Variants in ZNF536 observed in about 807,000 individuals in gnomAD.
ZNF536 encodes the protein zinc finger protein 536.
A neutral mutation model predicts 84.5 loss-of-function variants in ZNF536; 13 were observed. The ratio of observed to expected loss-of-function variants is 0.15; its 90% CI spans 0.10 to 0.24. ZNF536 has a LOEUF of 0.24. Among genes scored for constraint, ZNF536 ranks in the 10% least tolerant of loss-of-function variants. The pLI is 1.00. For synonymous variants in ZNF536, 811 were observed against 742.5 expected (o/e 1.09, Z -1.50); for missense variants, 1,536 against 1,747.5 (o/e 0.88, Z 2.16).
chr19:30,535,146 C>A, intron 3 of ZNF536, 147 bp downstream of exon 3: 1 of 851,058 alleles, frequency 1.2e-6, no homozygotes, highest in Middle Eastern at 3.6e-4. Context: ...TTGTATGGCT[C>A]AGAAGCGGCC....
rs544070407 is a variant in ZNF536 at position 30,304,038 on chromosome 19, A to G, written c.-120+19897A>G. ...AGGCAGCGGTCTCCTCTCTCCCTGGATGGAGCAGCGTGGGGGAGTCCCGCT... is the reference window on the plus strand; with the variant it reads ...AGGCAGCGGTCTCCTCTCTCCCTGGGTGGAGCAGCGTGGGGGAGTCCCGCT... On this transcript the variant is annotated intron_variant, in intron 2 of 5. Transcript: ENST00000585628. 5.3e-5 allele frequency among the ~76,000 whole-genome samples: 8 copies of G among 152,216 alleles called. No homozygotes were observed. The South Asian group carries it at 1.7e-3, about 32-fold the overall frequency.
At chr19:30,294,404 G>T (rs1299430530) in intron 2 of ZNF536, among the ~76,000 whole-genome samples, 1 of 152,194 alleles carries the variant, frequency 6.6e-6, no homozygotes, top group African/African-American at 2.4e-5. Flanking sequence ...ACAAAATGAT[G>T]CTCTTGAGTG....
chr19:30,335,475 C>T (rs566184958), intron 2 of ZNF536, among the ~76,000 whole-genome samples: 3 of 152,250 alleles, frequency 2.0e-5, no homozygotes, highest in South Asian at 2.1e-4. Context: ...AGGCCTGGCA[C>T]GCCCACCCCT....
intron 1 of ZNF536, among the ~76,000 whole-genome samples, chr19:30,262,100 G>A (rs2025256668): frequency 6.6e-6 from 1 of 152,234 alleles, no homozygotes; most frequent in Non-Finnish European, 1.5e-5. Context: ...TACGGGTTTG[G>A]TTTAGGTGGC....
In ZNF536 at chr19:30,603,021, T is replaced by C. The variant is rs114972279; in HGVS notation, c.169+53507T>C. ...ATTAGTTGCCCATCAGTGGCATCAG[T>C]CTGTGAGGTGTGTCCAGGTGGGTCC... On this transcript the variant is annotated intron_variant, in intron 1 of 1. Coordinates refer to the ZNF536 transcript ENST00000592773. 1.7e-3 allele frequency among the ~76,000 whole-genome samples: 254 copies of C among 152,316 alleles called. 2 individuals carry two copies. Among genetic ancestry groups the C allele is most frequent in the African/African-American group, 5.7e-3 (235 of 41,570 alleles).
rs753514925 is a variant in ZNF536 at position 30,445,110 on chromosome 19, C to T, written c.1548C>T (p.Asp516=). Residue 516 remains aspartate (D), a synonymous_variant, in exon 2 of 5, where the codon GAC becomes GAT. Coordinates refer to ENST00000355537, the MANE Select transcript of ZNF536 (RefSeq NM_014717.3). The surrounding 1 kb of genome is among the most constrained non-coding windows in gnomAD (Gnocchi z 4.5). ...LQAAAKAAEM[D]PVNSYQAWQL... is the part of the protein sequence containing the mutation. Reference sequence around the variant, plus strand: ...CGGCTGCCAAGGCTGCGGAGATGGACCCCGTGAACAGCTACCAGGCTTGGC... The same window carrying T: ...CGGCTGCCAAGGCTGCGGAGATGGATCCCGTGAACAGCTACCAGGCTTGGC... The T allele has an allele frequency of 1.2e-5, 19 of 1,613,780 alleles. No homozygotes were observed. Among genetic ancestry groups the T allele is most frequent in the Non-Finnish European group, 1.6e-5 (19 of 1,180,056 alleles).
chr19:30,269,469 A>C (rs1029785937), intron 1 of ZNF536, among the ~76,000 whole-genome samples: 1 of 152,210 alleles, frequency 6.6e-6, no homozygotes, highest in African/African-American at 2.4e-5. Flanking sequence ...GAGGAATGAA[A>C]AAGAAACTGT....
chr19:30,327,728 C>T (rs939975639), intron 2 of ZNF536, among the ~76,000 whole-genome samples: 1 of 152,194 alleles, frequency 6.6e-6, no homozygotes, highest in Non-Finnish European at 1.5e-5. Context: ...GAAGGAAGCT[C>T]TTTTTCAGTT....
Position 30,521,055 on chromosome 19 carries a change from A to T in ZNF536, c.2171-13792A>T, listed in dbSNP as rs984290189. 3.3e-5 allele frequency among the ~76,000 whole-genome samples: 5 copies of T among 152,234 alleles called. No homozygotes were observed. The South Asian group carries it at 1.0e-3, about 31-fold the overall frequency. The stretch of plus-strand genomic sequence containing the variant: ...ACTCAGACCCTCTGTGACTGGCACC[A>T]TTCTCCAGTGATCCAACTTTACCAA... On this transcript the variant is annotated intron_variant, in intron 2 of 4. Coordinates refer to ENST00000355537, the MANE Select transcript of ZNF536 (RefSeq NM_014717.3).
intron 1 of ZNF536, among the ~76,000 whole-genome samples, chr19:30,415,174 T>C (rs1472253960): frequency 4.4e-5 from 2 of 45,078 alleles, no homozygotes; most frequent in Non-Finnish European, 7.8e-5. Context: ...GCCCCCTGTC[T>C]CCCTCTCCCT....
intron 1 of ZNF536, among the ~76,000 whole-genome samples, chr19:30,693,586 TA>T (rs11419641): frequency 5.4e-5 from 8 of 149,112 alleles, no homozygotes; most frequent in South Asian, 2.1e-4. Context: ...TGTGACTTCA[TA>T]AAAAAAAAAG....
chr19:30,493,568 G>C (rs1393464176), intron 2 of ZNF536, among the ~76,000 whole-genome samples: 1 of 152,262 alleles, frequency 6.6e-6, no homozygotes, highest in East Asian at 1.9e-4. Context: ...AACCGTTTAG[G>C]GCATCCAGGT....
At chr19:30,519,264 G>A (rs922089487) in intron 2 of ZNF536, among the ~76,000 whole-genome samples, 16 of 152,238 alleles carry the variant, frequency 1.1e-4, no homozygotes, top group African/African-American at 3.9e-4. Flanking sequence ...CTGCAAAATA[G>A]GATTGAATTT....
At position 30,632,642 on chromosome 19, in the gene ZNF536, TCAACCAACAAACCAACCAAC is replaced by T. The variant is rs1568620992; in HGVS notation, c.170-78106_170-78087del. On this transcript the variant is annotated intron_variant, in intron 1 of 1. Transcript: ENST00000592773. ...ATCAACCAACCAACCAACCAACCAA[TCAACCAACAAACCAACCAAC>T]CAACCAACCAACCAACCAACCAACC... Among the ~76,000 whole-genome samples the T allele has an allele frequency of 2.9e-5, 3 of 102,684 alleles. 1 individual carries two copies. Among genetic ancestry groups the T allele is most frequent in the Non-Finnish European group, 5.7e-5 (3 of 52,324 alleles). 67.4% of individuals were successfully genotyped at this position (102,684 alleles called of 152,430 possible).
At position 30,548,610 on chromosome 19, in the gene ZNF536, C is replaced by T. The variant is rs761125153; in HGVS notation, c.2991C>T (p.Ser997=). The T allele has an allele frequency of 1.2e-6, 2 of 1,614,160 alleles. No individual in the cohort carries two copies. The highest frequency in any genetic ancestry group is 3.3e-5 in the Admixed American group (2 of 60,026). ...GCTCCTCGGTAACTGTGCAGGACAG[C>T]ATTGCATGGCACGGCTGCTTGTTTT... ...LPGSSVTVQD[S]IAWHGCLFCA... Residue 997 remains serine (S), a synonymous_variant, in exon 4 of 5, where the codon AGC becomes AGT. Transcript: ENST00000355537.
intron 1 of ZNF536, among the ~76,000 whole-genome samples, chr19:30,606,171 AAATAAAATAAAATAAAATAAAAT>A (rs2047862082): frequency 4.5e-5 from 2 of 43,964 alleles, no homozygotes; most frequent in Non-Finnish European, 8.7e-5. Context: ...AAAATAAAAT[AAATAAAATAAAATAAAATAAAAT>A]AATAAAATAA....
At chr19:30,424,211 C>A (rs1389197489) in intron 1 of ZNF536, among the ~76,000 whole-genome samples, 1 of 152,174 alleles carries the variant, frequency 6.6e-6, no homozygotes, top group Non-Finnish European at 1.5e-5. Flanking sequence ...ACACTTCCTG[C>A]ACTTTCCAAG....
chr19:30,670,439 G>A (rs1049035438), intron 1 of ZNF536, among the ~76,000 whole-genome samples: 4 of 152,210 alleles, frequency 2.6e-5, no homozygotes, highest in African/African-American at 9.6e-5. Flanking sequence ...TAGATCAGAT[G>A]AGAAAATCCA....
At chr19:30,688,154 C>G (rs55904657) in intron 1 of ZNF536, among the ~76,000 whole-genome samples, 2 of 152,040 alleles carry the variant, frequency 1.3e-5, no homozygotes, top group African/African-American at 2.4e-5. Context: ...CACCTCCCAT[C>G]TCCTGCCCAG....
Sources: allele counts gnomAD v4.1 joint callset (sites outside exome capture counted in the v4.1 genomes callset), GRCh38; gene constraint gnomAD v4.1.1; non-coding constraint Gnocchi (gnomAD v3.1); transcripts MANE v1.5; gene names NCBI Gene and HGNC (gene_info 2026-07-23, HGNC 2026-07-21).